The following C9orf153 variants were observed in gnomAD, a reference collection of about 807,000 sequenced individuals.
The protein encoded by C9orf153 is uncharacterized protein C9orf153.
In C9orf153, 10 loss-of-function variants were observed where a neutral mutation model predicts 9.0. That is an observed-to-expected ratio of 1.11 (90% confidence interval 0.69 to 1.89). C9orf153 has a LOEUF of 1.89. Among genes scored for constraint, C9orf153 ranks in the 40% most tolerant of loss-of-function variants. The pLI is 0.00. For synonymous variants in C9orf153, 35 were observed against 37.3 expected (o/e 0.94, Z 0.23); for missense variants, 108 against 111.0 (o/e 0.97, Z 0.12).
At chr9:86,238,042 A>G (rs1435656485) in intron 1 of C9orf153, among the ~76,000 whole-genome samples, 7 of 152,114 alleles carry the variant, frequency 4.6e-5, no homozygotes, top group Non-Finnish European at 1.0e-4. Context: ...TGGAGATCAC[A>G]CCACTGCACT....
Position 86,221,482 on chromosome 9 carries a change from A to T in C9orf153, c.*206T>A. ...TCAAAAGCAAAAATCTACGTCCAAA[A>T]TATTTTAATACACTACATATTCCAT... On this transcript the variant is annotated 3_prime_UTR_variant, in exon 4 of 4. Coordinates refer to ENST00000339137, the MANE Select transcript of C9orf153 (RefSeq NM_001276366.4). 2 of 1,280,928 alleles carry T rather than the reference A, an allele frequency of 1.6e-6. No homozygotes were observed. Among genetic ancestry groups the T allele is most frequent in the Non-Finnish European group, 2.0e-6 (2 of 1,010,318 alleles). 79.3% of individuals were successfully genotyped at this position (1,280,928 alleles called of 1,614,324 possible).
chr9:86,229,903 G>C (rs1824431723), intron 1 of C9orf153, among the ~76,000 whole-genome samples: 1 of 152,110 alleles, frequency 6.6e-6, no homozygotes, highest in Admixed American at 6.6e-5. Flanking sequence ...ATTGGGGGAA[G>C]GCAAAGGAGA....
In C9orf153 at chr9:86,239,236, G is replaced by A. The variant is rs531400046; in HGVS notation, c.-26-9607C>T. Reference sequence around the variant, plus strand: ...AGATTGTGCCACTGCACTCCAGCCTGGCGACAGAGTGAGACTCTGTTAAAA... The same window carrying A: ...AGATTGTGCCACTGCACTCCAGCCTAGCGACAGAGTGAGACTCTGTTAAAA... On this transcript the variant is annotated intron_variant, in intron 1 of 3. Coordinates refer to ENST00000339137, the MANE Select transcript of C9orf153 (RefSeq NM_001276366.4). Among the ~76,000 whole-genome samples, 95 of 151,270 alleles carry A rather than the reference G, an allele frequency of 6.3e-4. 1 individual carries two copies. The highest frequency in any genetic ancestry group is 2.2e-3 in the African/African-American group (90 of 41,026).
Position 86,249,151 on chromosome 9 carries a change from T to C in C9orf153, c.-27+10399A>G, listed in dbSNP as rs370310982. ...CTCATTCTTTACTCCTTTCTGTCTA[T>C]GGCAGGATGAAAATGCAGGGTCCAC... On this transcript the variant is annotated intron_variant, in intron 1 of 3. Coordinates refer to ENST00000339137, the MANE Select transcript of C9orf153 (RefSeq NM_001276366.4). Among the ~76,000 whole-genome samples the C allele has an allele frequency of 2.2e-4, 34 of 152,382 alleles. 1 individual carries two copies. In the South Asian group the frequency reaches 6.8e-3, roughly 31 times the overall value.
intron 1 of C9orf153, among the ~76,000 whole-genome samples, chr9:86,257,544 T>G (rs1012705815): frequency 1.3e-5 from 2 of 152,246 alleles, no homozygotes; most frequent in Non-Finnish European, 2.9e-5. Context: ...AAATGCCTAA[T>G]GGACTTTCCT....
chr9:86,257,297 C>G (rs558359706), intron 1 of C9orf153, among the ~76,000 whole-genome samples: 6 of 152,174 alleles, frequency 3.9e-5, no homozygotes, highest in Non-Finnish European at 8.8e-5. Context: ...TTACTGGGTT[C>G]CATGCTTTGG....
At chr9:86,259,250 A>T (rs553034283) in intron 1 of C9orf153, among the ~76,000 whole-genome samples, 2 of 152,230 alleles carry the variant, frequency 1.3e-5, no homozygotes, top group African/African-American at 4.8e-5. Context: ...GAAGGCACTG[A>T]GGTTGGGGAG....
chr9:86,240,931 G>T (rs1233910242), intron 1 of C9orf153, among the ~76,000 whole-genome samples: 7 of 151,614 alleles, frequency 4.6e-5, no homozygotes, highest in Non-Finnish European at 8.8e-5. Context: ...CTGGTCTGGA[G>T]CTCCTGACCT....
intron 1 of C9orf153, among the ~76,000 whole-genome samples, chr9:86,242,421 C>G (rs1824769214): frequency 6.6e-6 from 1 of 151,946 alleles, no homozygotes; most frequent in African/African-American, 2.4e-5. Flanking sequence ...GTAGTTGGCA[C>G]AGCTTTGTTT....
chr9:86,224,773 A>C (rs1328458037), intron 3 of C9orf153, among the ~76,000 whole-genome samples: 1 of 89,796 alleles, frequency 1.1e-5, no homozygotes, highest in Non-Finnish European at 2.2e-5. Flanking sequence ...TAAAAATACA[A>C]AAAAAAAAAA....
intron 1 of C9orf153, among the ~76,000 whole-genome samples, chr9:86,238,971 A>C (rs2131189979): frequency 1.3e-5 from 2 of 151,724 alleles, no homozygotes; most frequent in South Asian, 4.2e-4. Context: ...AAAAAAAAAA[A>C]ACAAACATAT....
At chr9:86,252,959 T>G (rs774670665) in intron 1 of C9orf153, among the ~76,000 whole-genome samples, 2 of 151,896 alleles carry the variant, frequency 1.3e-5, no homozygotes, top group Non-Finnish European at 2.9e-5. Context: ...ACATTGCTGA[T>G]GCTTTTTAGG....
At chr9:86,240,909 A>G (rs1353082859) in intron 1 of C9orf153, among the ~76,000 whole-genome samples, 2 of 151,182 alleles carry the variant, frequency 1.3e-5, no homozygotes, top group Admixed American at 6.6e-5. Flanking sequence ...GGGTTTCACC[A>G]TATTGGCCAG....
intron 2 of C9orf153, among the ~76,000 whole-genome samples, chr9:86,229,173 A>G (rs1376469764): frequency 1.3e-5 from 2 of 151,720 alleles, no homozygotes; most frequent in Non-Finnish European, 2.9e-5. Flanking sequence ...GGGGAGTTAA[A>G]TAGTGTGATG....
intron 1 of C9orf153, among the ~76,000 whole-genome samples, chr9:86,242,383 ACTTT>A (rs1212229149): frequency 2.6e-5 from 4 of 151,810 alleles, no homozygotes; most frequent in Non-Finnish European, 5.9e-5. Context: ...CTGCCGCAAG[ACTTT>A]CTTTGTGCAG....
chr9:86,238,628 C>T (rs1023437691), intron 1 of C9orf153, among the ~76,000 whole-genome samples: 1 of 152,110 alleles, frequency 6.6e-6, no homozygotes, highest in Non-Finnish European at 1.5e-5. Context: ...GTTTGGGTTG[C>T]AGTGGAACTT....
chr9:86,242,971 G>A (rs528088093), intron 1 of C9orf153, among the ~76,000 whole-genome samples: 37 of 152,314 alleles, frequency 2.4e-4, no homozygotes, highest in African/African-American at 8.9e-4. Flanking sequence ...GAACCACCAC[G>A]CCCAGCCCCG....
At chr9:86,234,432 C>A (rs533486722) in intron 1 of C9orf153, among the ~76,000 whole-genome samples, 1 of 152,322 alleles carries the variant, frequency 6.6e-6, no homozygotes, top group African/African-American at 2.4e-5. Flanking sequence ...AATCGATTTT[C>A]TGACAAAGTT....
chr9:86,236,185 G>C (rs1005526142), intron 1 of C9orf153, among the ~76,000 whole-genome samples: 5 of 152,022 alleles, frequency 3.3e-5, no homozygotes, highest in African/African-American at 4.8e-5. Flanking sequence ...GGAATGAAAT[G>C]GTTAAAGTGT....
Sources: allele counts gnomAD v4.1 joint callset (sites outside exome capture counted in the v4.1 genomes callset), GRCh38; gene constraint gnomAD v4.1.1; transcripts MANE v1.5; gene names NCBI Gene and HGNC (gene_info 2026-07-23, HGNC 2026-07-21).